Variants in CENPW observed in about 807,000 individuals in gnomAD.
The protein encoded by CENPW is cancer-up-regulated gene 2 protein.
CENPW carries 3 observed loss-of-function variants against 11.1 expected under a neutral mutation model. The observed-to-expected ratio is 0.27, with a 90% CI of 0.12 to 0.70. CENPW has a LOEUF of 0.70. CENPW is among the 30% of genes least tolerant of loss of function. CENPW has a pLI of 0.77. For synonymous variants in CENPW, 38 were observed against 42.0 expected (o/e 0.91, Z 0.37); for missense variants, 100 against 105.6 (o/e 0.95, Z 0.23).
the CENPW span, among the ~76,000 whole-genome samples, chr6:126,473,662 G>A: frequency 6.6e-6 from 1 of 151,970 alleles, no homozygotes; most frequent in Non-Finnish European, 1.5e-5. Context: ...GAGCTTGGGA[G>A]GCGGAGGTTG....
chr6:126,404,727 G>A, the CENPW span, among the ~76,000 whole-genome samples: 1 of 151,964 alleles, frequency 6.6e-6, no homozygotes, highest in East Asian at 1.9e-4. Context: ...ATGATATTGT[G>A]TTTGTGATTT....
the CENPW span, among the ~76,000 whole-genome samples, chr6:126,445,229 C>T: frequency 2.0e-5 from 3 of 151,156 alleles, no homozygotes; most frequent in African/African-American, 7.3e-5. Context: ...TCTCTGCTTT[C>T]TCCCATACAG....
At chr6:126,474,131 A>G in the CENPW span, among the ~76,000 whole-genome samples, 299 of 151,380 alleles carry the variant, frequency 2.0e-3, no homozygotes, top group Non-Finnish European at 3.0e-3. Context: ...ATATATGTAT[A>G]TATATCTTTT....
the CENPW span, among the ~76,000 whole-genome samples, chr6:126,409,996 T>A: frequency 6.6e-6 from 1 of 151,988 alleles, no homozygotes; most frequent in East Asian, 1.9e-4. Context: ...TCTTCCTCTC[T>A]TATTGTTTTA....
chr6:126,415,476 A>C, the CENPW span, among the ~76,000 whole-genome samples: 1 of 152,184 alleles, frequency 6.6e-6, no homozygotes, highest in Non-Finnish European at 1.5e-5. Context: ...TTAGAGGAGA[A>C]GATTGAGACT....
At chr6:126,386,680 T>A in the CENPW span, among the ~76,000 whole-genome samples, 5 of 136,222 alleles carry the variant, frequency 3.7e-5, no homozygotes. Flanking sequence ...TCAAATAATT[T>A]ATTTTTTTAT....
intron 1 of CENPW, among the ~76,000 whole-genome samples, chr6:126,342,910 C>T (rs1780340628): frequency 6.6e-6 from 1 of 151,958 alleles, no homozygotes; most frequent in Non-Finnish European, 1.5e-5. Context: ...TTTTATTATT[C>T]TTCACTGGCT....
At chr6:126,381,080 C>G in the CENPW span, among the ~76,000 whole-genome samples, 2 of 152,206 alleles carry the variant, frequency 1.3e-5, no homozygotes, top group South Asian at 4.1e-4. Flanking sequence ...TCTAACTACT[C>G]TGGCCTGTCT....
the CENPW span, among the ~76,000 whole-genome samples, chr6:126,469,843 A>C: frequency 6.6e-6 from 1 of 152,234 alleles, no homozygotes; most frequent in African/African-American, 2.4e-5. Context: ...GGTGATTTAG[A>C]GTATTTGGTG....
intron 2 of CENPW, among the ~76,000 whole-genome samples, chr6:126,346,580 A>G (rs1780415420): frequency 1.3e-5 from 2 of 152,216 alleles, no homozygotes; most frequent in African/African-American, 4.8e-5. Context: ...CTGAGAAGAT[A>G]TATCACCTTG....
the CENPW span, among the ~76,000 whole-genome samples, chr6:126,383,602 AG>A: frequency 3.3e-5 from 5 of 152,074 alleles, no homozygotes; most frequent in Non-Finnish European, 5.9e-5. Context: ...AATGGAAAAA[AG>A]AAAAAAAAAT....
At chr6:126,414,940 G>C in the CENPW span, among the ~76,000 whole-genome samples, 1 of 151,850 alleles carries the variant, frequency 6.6e-6, no homozygotes, top group South Asian at 2.1e-4. Context: ...GAAATACAAA[G>C]GATCATTAGC....
chr6:126,397,942 T>C, the CENPW span, among the ~76,000 whole-genome samples: 1,363 of 152,264 alleles, frequency 9.0e-3, 17 homozygotes, highest in African/African-American at 0.031. Context: ...ATACCTTCTG[T>C]GGAGCTGATT....
Position 126,346,286 on chromosome 6 carries a change from A to G in CENPW, c.208A>G (p.Ile70Val). 1 of 1,607,964 alleles carries G rather than the reference A, an allele frequency of 6.2e-7. No homozygotes were observed. The highest frequency in any genetic ancestry group is 8.5e-7 in the Non-Finnish European group (1 of 1,175,360). ...TNACASKCRV[I>V]NKEHVLAAAK... is the part of the protein sequence containing the mutation. ...CGCTTGTGCGAGTAAATGTAGAGTC[A>G]TTAACAAGGAGCATGTACTGGCCGC... The change falls in exon 2 of 3, where the codon ATT becomes GTT. Residue 70 changes from isoleucine to valine, a missense_variant. By Grantham distance (29) the Ile-to-Val change is conservative (BLOSUM62 3). Coordinates refer to ENST00000368328, the MANE Select transcript of CENPW (RefSeq NM_001012507.4).
chr6:126,402,398 A>G, the CENPW span, among the ~76,000 whole-genome samples: 2 of 151,432 alleles, frequency 1.3e-5, no homozygotes, highest in African/African-American at 4.9e-5. Context: ...TGTAATTCAC[A>G]TAACATCCAA....
the CENPW span, among the ~76,000 whole-genome samples, chr6:126,478,189 C>G: frequency 6.6e-6 from 1 of 151,906 alleles, no homozygotes; most frequent in Non-Finnish European, 1.5e-5. Flanking sequence ...TTCTCCCTGA[C>G]TTAATTGACT....
At chr6:126,445,318 A>G in the CENPW span, among the ~76,000 whole-genome samples, 1 of 151,104 alleles carries the variant, frequency 6.6e-6, no homozygotes, top group African/African-American at 2.4e-5. Context: ...TCAGCTACAG[A>G]TGTTGGCCAT....
chr6:126,363,571 T>G, the CENPW span, among the ~76,000 whole-genome samples: 81 of 152,340 alleles, frequency 5.3e-4, no homozygotes, highest in African/African-American at 1.8e-3. Context: ...TGGCATGCAC[T>G]ACCCATGACT....
intron 1 of CENPW, 87 bp from the exon 2 acceptor site, chr6:126,346,118 C>A: frequency 1.6e-6 from 1 of 632,000 alleles, no homozygotes; most frequent in South Asian, 2.4e-5. Context: ...TAGTACAATA[C>A]ATTTTGAGAT....
Sources: gnomAD v4.1 joint callset for allele counts (sites outside exome capture counted in the v4.1 genomes callset) on GRCh38, gnomAD v4.1.1 for gene constraint, MANE v1.5 for transcripts, NCBI Gene and HGNC (gene_info 2026-07-23, HGNC 2026-07-21) for gene names.